PCDHGA1: variants seen among roughly 807,000 people sequenced by gnomAD.
The protein encoded by PCDHGA1 is protocadherin gamma-A1.
PCDHGA1 carries 32 observed loss-of-function variants against 58.0 expected under a neutral mutation model. That is an observed-to-expected ratio of 0.55 (90% confidence interval 0.42 to 0.74). PCDHGA1 has a LOEUF of 0.74. Among genes scored for constraint, PCDHGA1 ranks in the 30% least tolerant of loss-of-function variants. The probability of loss-of-function intolerance (pLI) is 0.00; values close to 1 mark genes in which losing one functional copy is unlikely to be tolerated. For missense variants in PCDHGA1, 1,205 were observed against 1,182.3 expected (o/e 1.02, Z -0.28); for synonymous variants, 498 against 501.1 (o/e 0.99, Z 0.08).
intron 1 of PCDHGA1, chr5:141,398,946 C>A: frequency 6.2e-7 from 1 of 1,613,948 alleles, no homozygotes; most frequent in Non-Finnish European, 8.5e-7. Flanking sequence ...ACGAGGGCAT[C>A]AACTCAGAAA....
chr5:141,390,573 C>T, intron 1 of PCDHGA1: 2 of 381,276 alleles, frequency 5.2e-6, no homozygotes, highest in Non-Finnish European at 9.4e-6. Context: ...TGGCTCTCTC[C>T]TAAAAAGTGA....
intron 1 of PCDHGA1, chr5:141,423,648 G>A (rs1291261924): frequency 2.5e-6 from 4 of 1,590,008 alleles, no homozygotes; most frequent in Middle Eastern, 1.7e-4. Flanking sequence ...AATGTGACCC[G>A]ACAAGTAATC....
At chr5:141,419,723 C>G (rs373666366) in intron 1 of PCDHGA1, 1 of 1,613,174 alleles carries the variant, frequency 6.2e-7, no homozygotes, top group African/African-American at 1.3e-5. Context: ...CCTGGGGCTG[C>G]GAACAGGCGA....
chr5:141,388,514 GA>G (rs1218773677), intron 1 of PCDHGA1: 33 of 1,613,840 alleles, frequency 2.0e-5, no homozygotes, highest in Non-Finnish European at 2.8e-5. Flanking sequence ...CCTACCACTT[GA>G]CTTTGACTGC....
At chr5:141,357,022 C>T (rs1318663239) in intron 1 of PCDHGA1, 1 of 1,614,150 alleles carries the variant, frequency 6.2e-7, no homozygotes, top group Non-Finnish European at 8.5e-7. Flanking sequence ...GTCCTACAGC[C>T]TACTCAAGTC....
intron 1 of PCDHGA1, among the ~76,000 whole-genome samples, chr5:141,338,365 CG>C (rs1756743394): frequency 6.6e-6 from 1 of 152,138 alleles, no homozygotes; most frequent in African/African-American, 2.4e-5. Flanking sequence ...CAACCATAAA[CG>C]TTCAAAATAT....
intron 2 of PCDHGA1, among the ~76,000 whole-genome samples, chr5:141,498,436 A>G (rs566463876): frequency 6.6e-6 from 1 of 152,268 alleles, no homozygotes; most frequent in East Asian, 1.9e-4. Flanking sequence ...GGGGATGAAG[A>G]GGAGAGGTTC....
intron 1 of PCDHGA1, chr5:141,392,984 G>A: frequency 1.2e-6 from 2 of 1,613,914 alleles, no homozygotes; most frequent in Non-Finnish European, 1.7e-6. Context: ...TGGACCCCCG[G>A]AAGCTGGCGA....
chr5:141,421,077 A>G (rs975269359), intron 1 of PCDHGA1: 1 of 619,100 alleles, frequency 1.6e-6, no homozygotes, highest in Non-Finnish European at 2.7e-6. Context: ...TGAGATGGAT[A>G]CTCACAGATC....
At chr5:141,372,605 T>G in intron 1 of PCDHGA1, 5 of 1,614,050 alleles carry the variant, frequency 3.1e-6, no homozygotes, top group Non-Finnish European at 4.2e-6. Flanking sequence ...AGACTGTACC[T>G]GGAGTTCTCC....
At chr5:141,362,323 G>C (rs745573123) in intron 1 of PCDHGA1, 1 of 1,614,082 alleles carries the variant, frequency 6.2e-7, no homozygotes, top group East Asian at 2.2e-5. Flanking sequence ...TTTTCAGCCT[G>C]GTCTCAGCTC....
At chr5:141,352,393 G>A (rs1357772076) in intron 1 of PCDHGA1, 3 of 1,613,936 alleles carry the variant, frequency 1.9e-6, no homozygotes, top group Admixed American at 3.3e-5. Context: ...CCCTGCGCCT[G>A]CGACGTTCCT....
Position 141,387,745 on chromosome 5 carries a change from C to T in PCDHGA1, c.2421+54640C>T, listed in dbSNP as rs933790239. On this transcript the variant is annotated intron_variant, in intron 1 of 3. Coordinates refer to ENST00000517417, the MANE Select transcript of PCDHGA1 (RefSeq NM_018912.3). ...CCCAGCGCCAGCCTTTACACCGCTT[C>T]CTCCTCGGAAAAAGAAGAATTTTTT... 4 of 1,355,066 alleles carry T rather than the reference C, an allele frequency of 3.0e-6. No homozygotes were observed. In the Admixed American group the frequency reaches 8.1e-5, roughly 28 times the overall value. 83.9% of individuals were successfully genotyped at this position (1,355,066 alleles called of 1,614,324 possible).
rs756216038 is a variant in PCDHGA1, at chr5:141,477,967, C to G, written c.2422-16840C>G. 1.9e-6 allele frequency: 3 copies of G among 1,614,032 alleles called. No homozygotes were observed. Among genetic ancestry groups the G allele is most frequent in the Admixed American group, 3.3e-5 (2 of 59,996 alleles). ...GTCTCTTGGGATCCCCTAACCAGAG[C>G]CTTTTTGCCATAGGGCTGCACACTG... On this transcript the variant is annotated intron_variant, in intron 1 of 3. Transcript: ENST00000517417. The surrounding 1 kb of genome is among the most constrained non-coding windows in gnomAD (Gnocchi z 4.9).
Position 141,421,822 on chromosome 5 carries a change from G to A in PCDHGA1, c.2422-72985G>A, listed in dbSNP as rs2096603648. On this transcript the variant is annotated intron_variant, in intron 1 of 3. Transcript: ENST00000517417. ...CAAGAATCCAGAGCTAGTACTGGAG[G>A]GAAGCCTGGACCGAGAGAAAGAGGC... 3.7e-6 allele frequency: 6 copies of A among 1,613,690 alleles called. No homozygotes were observed. The East Asian group carries it at 1.1e-4, about 30-fold the overall frequency.
At chr5:141,509,376 C>A (rs2099876528) in intron 3 of PCDHGA1, among the ~76,000 whole-genome samples, 1 of 152,122 alleles carries the variant, frequency 6.6e-6, no homozygotes, top group African/African-American at 2.4e-5. Flanking sequence ...TTAACTGTCT[C>A]CTAACCACAG....
chr5:141,437,331 A>T (rs2097876062), intron 1 of PCDHGA1, among the ~76,000 whole-genome samples: 1 of 152,244 alleles, frequency 6.6e-6, no homozygotes, highest in South Asian at 2.1e-4. Context: ...TAAAATTTGT[A>T]GCTTCACTGT....
chr5:141,336,651 A>T (rs1756630163), intron 1 of PCDHGA1, among the ~76,000 whole-genome samples: 1 of 152,232 alleles, frequency 6.6e-6, no homozygotes, highest in South Asian at 2.1e-4. Flanking sequence ...AAACCCTTTT[A>T]GTTATTATGT....
At chr5:141,403,350 TC>T in intron 1 of PCDHGA1, 2 of 1,613,994 alleles carry the variant, frequency 1.2e-6, no homozygotes, top group Non-Finnish European at 1.7e-6. Flanking sequence ...GCCCCAAAGT[TC>T]CAGGCCGAAA....
Sources: allele counts gnomAD v4.1 joint callset (sites outside exome capture counted in the v4.1 genomes callset), GRCh38; gene constraint gnomAD v4.1.1; non-coding constraint Gnocchi (gnomAD v3.1); transcripts MANE v1.5; gene names NCBI Gene and HGNC (gene_info 2026-07-23, HGNC 2026-07-21).